PCDH15: variants seen among roughly 807,000 people sequenced by gnomAD.
The protein encoded by PCDH15 is protocadherin-15.
Under a neutral mutation model 178.5 loss-of-function variants are expected in PCDH15, and 129 were observed. The observed-to-expected ratio is 0.72, with a 90% CI of 0.63 to 0.84. PCDH15 has a LOEUF of 0.84. Among genes scored for constraint, PCDH15 ranks in the 40% least tolerant of loss-of-function variants. PCDH15 has a pLI of 0.00. For missense variants in PCDH15, 2,230 were observed against 2,099.9 expected, an observed-to-expected ratio of 1.06 and a Z score of -1.21; for synonymous variants, 800 against 732.0, an observed-to-expected ratio of 1.09 and a Z score of -1.50.
intron 3 of PCDH15, among the ~76,000 whole-genome samples, chr10:54,395,787 T>C (rs564280799): frequency 1.3e-5 from 2 of 152,198 alleles, no homozygotes; most frequent in Non-Finnish European, 2.9e-5. Context: ...CATTTAATCA[T>C]GCTGTATCTG....
chr10:54,997,106 A>G (rs1418421246), intron 2 of PCDH15, among the ~76,000 whole-genome samples: 3 of 74,872 alleles, frequency 4.0e-5, no homozygotes, highest in Admixed American at 3.0e-4. Context: ...GCAAAACTCT[A>G]GTCTCAAAAA....
At chr10:54,621,442 CACCAAAT>C (rs778447643) in intron 2 of PCDH15, among the ~76,000 whole-genome samples, 8 of 151,886 alleles carry the variant, frequency 5.3e-5, no homozygotes, top group African/African-American at 9.7e-5. Flanking sequence ...TTACTAAAAC[CACCAAAT>C]ACAAGCTGCC....
intron 1 of PCDH15, among the ~76,000 whole-genome samples, chr10:55,268,037 G>C (rs1469428458): frequency 6.6e-6 from 1 of 152,142 alleles, no homozygotes; most frequent in Admixed American, 6.5e-5. Context: ...TATTGTTGTC[G>C]TGCACTGAAA....
intron 2 of PCDH15, among the ~76,000 whole-genome samples, chr10:55,053,613 G>A (rs1841219588): frequency 6.6e-6 from 1 of 152,150 alleles, no homozygotes; most frequent in Admixed American, 6.5e-5. Flanking sequence ...CATTGGCTTT[G>A]TATTGTTTGA....
At chr10:54,544,260 GT>G (rs200020337) in intron 2 of PCDH15, among the ~76,000 whole-genome samples, 2,632 of 152,202 alleles carry the variant, frequency 0.017, 68 homozygotes, top group African/African-American at 0.061. Flanking sequence ...TAGGATAACA[GT>G]TTTTATATTG....
intron 4 of PCDH15, among the ~76,000 whole-genome samples, chr10:54,371,235 TAGAC>T: frequency 6.6e-6 from 1 of 151,928 alleles, no homozygotes; most frequent in Middle Eastern, 3.4e-3. Context: ...CCAAATGTAA[TAGAC>T]AGCTACAAAC....
At chr10:54,150,614 A>G (rs2044430748) in intron 14 of PCDH15, among the ~76,000 whole-genome samples, 1 of 151,620 alleles carries the variant, frequency 6.6e-6, no homozygotes, top group South Asian at 2.1e-4. Flanking sequence ...TTTCTTGATT[A>G]GGTTAGATAG....
At chr10:54,793,541 C>T (rs182814424) in intron 1 of PCDH15, among the ~76,000 whole-genome samples, 5 of 150,392 alleles carry the variant, frequency 3.3e-5, no homozygotes, top group Admixed American at 6.6e-5. Flanking sequence ...ACAGGTTCAG[C>T]AAAGTAAGCT....
intron 20 of PCDH15, 25 bp from the exon 21 acceptor site, chr10:53,995,790 G>A: frequency 6.2e-7 from 1 of 1,606,722 alleles, no homozygotes; most frequent in Non-Finnish European, 8.5e-7. Context: ...TAGGAGTTTA[G>A]TACTTCAGTT....
intron 20 of PCDH15, among the ~76,000 whole-genome samples, chr10:54,005,277 C>A (rs2092345033): frequency 6.6e-6 from 1 of 151,998 alleles, no homozygotes; most frequent in African/African-American, 2.4e-5. Context: ...TAATACCTCA[C>A]AAGCACAGGC....
intron 1 of PCDH15, among the ~76,000 whole-genome samples, chr10:55,174,107 A>C (rs1008919973): frequency 6.6e-6 from 1 of 152,218 alleles, no homozygotes; most frequent in African/African-American, 2.4e-5. Context: ...TTGTATAACT[A>C]TTCTTCATTA....
At chr10:55,357,190 A>G (rs1459173958) in intron 2 of PCDH15, among the ~76,000 whole-genome samples, 2 of 151,986 alleles carry the variant, frequency 1.3e-5, no homozygotes, top group Non-Finnish European at 2.9e-5. Context: ...AAATGAAATT[A>G]TATTGAAAAA....
intron 22 of PCDH15, among the ~76,000 whole-genome samples, chr10:53,961,486 C>A (rs1589639846): frequency 6.6e-6 from 1 of 151,864 alleles, no homozygotes; most frequent in Non-Finnish European, 1.5e-5. Flanking sequence ...GATTTGAAAA[C>A]ATATATTTAT....
At chr10:54,043,238 T>C (rs150156854) in intron 18 of PCDH15, among the ~76,000 whole-genome samples, 65 of 152,122 alleles carry the variant, frequency 4.3e-4, no homozygotes, top group Non-Finnish European at 6.6e-4. Context: ...TAAATGAAGC[T>C]CAGAACCAGC....
chr10:54,058,899 G>A (rs2093956800), intron 18 of PCDH15, among the ~76,000 whole-genome samples: 1 of 151,934 alleles, frequency 6.6e-6, no homozygotes. Flanking sequence ...TCTCCATGTT[G>A]GTCAGGCTAG....
intron 29 of PCDH15, 66 bp downstream of exon 29, chr10:53,840,254 A>T: frequency 1.3e-6 from 2 of 1,540,664 alleles, no homozygotes; most frequent in Non-Finnish European, 9.0e-7. Context: ...TTATAGCCTC[A>T]AGTCAGAATC....
chr10:54,086,175 G>T (rs969139567), intron 16 of PCDH15, among the ~76,000 whole-genome samples: 1 of 152,104 alleles, frequency 6.6e-6, no homozygotes, highest in Non-Finnish European at 1.5e-5. Flanking sequence ...TTCTGGTGAG[G>T]GGCTGAGAGT....
At chr10:54,733,375 T>G (rs1386832733) in intron 1 of PCDH15, among the ~76,000 whole-genome samples, 1 of 151,524 alleles carries the variant, frequency 6.6e-6, no homozygotes, top group Non-Finnish European at 1.5e-5. Flanking sequence ...ATGTACAATA[T>G]CATAAAACAA....
At chr10:53,899,905 A>G (rs1424154565) in intron 26 of PCDH15, among the ~76,000 whole-genome samples, 2 of 152,144 alleles carry the variant, frequency 1.3e-5, no homozygotes, top group Non-Finnish European at 2.9e-5. Flanking sequence ...CCGCTCGTAA[A>G]TCCCTTGCCT....
Sources: allele counts gnomAD v4.1 joint callset (sites outside exome capture counted in the v4.1 genomes callset), GRCh38; gene constraint gnomAD v4.1.1; transcripts MANE v1.5; gene names NCBI Gene and HGNC (gene_info 2026-07-23, HGNC 2026-07-21).